The following ASTN2 variants were observed in gnomAD, a reference collection of about 807,000 sequenced individuals.
ASTN2 encodes astrotactin-2.
ASTN2 carries 54 observed loss-of-function variants against 139.8 expected under a neutral mutation model. The ratio of observed to expected loss-of-function variants is 0.39; its 90% CI spans 0.31 to 0.48. ASTN2 has a LOEUF of 0.48. ASTN2 is among the 20% of genes least tolerant of loss of function. The pLI is 0.95. For synonymous variants in ASTN2, 756 were observed against 719.5 expected (o/e 1.05, Z -0.81); for missense variants, 1,565 against 1,725.1 (o/e 0.91, Z 1.64).
Position 116,620,450 on chromosome 9 carries a change from A to C in ASTN2, c.3073-7T>G, listed in dbSNP as rs1856078028. 4 of 1,613,828 alleles carry C rather than the reference A, an allele frequency of 2.5e-6. No individual in the cohort carries two copies. Among genetic ancestry groups the C allele is most frequent in the East Asian group, 4.5e-5 (2 of 44,878 alleles). The stretch of plus-strand genomic sequence containing the variant: ...TCAGTGCACTCTTGAAGGCCTGGAC[A>C]AAAAAAGAGGACAGAATAGACAATG... On this transcript the variant is annotated splice_polypyrimidine_tract_variant and splice_region_variant and intron_variant, in intron 17 of 22. Transcript: ENST00000313400.
chr9:116,777,274 G>A (rs57632779), intron 13 of ASTN2, among the ~76,000 whole-genome samples: 6,925 of 152,144 alleles, frequency 0.046, 547 homozygotes, highest in East Asian at 0.36. Flanking sequence ...AAGACCCTGG[G>A]GCACCAGGGG....
intron 10 of ASTN2, among the ~76,000 whole-genome samples, chr9:116,895,409 A>G (rs571070668): frequency 6.6e-6 from 1 of 152,288 alleles, no homozygotes; most frequent in Non-Finnish European, 1.5e-5. Flanking sequence ...GGGATACTCA[A>G]CTTGTACTTA....
chr9:117,291,346 T>A lies in ASTN2; in HGVS notation c.610A>T (p.Ile204Phe). Reference sequence around the variant, plus strand: ...CTCACCATCACAGAAATGTGGAGGATGTGCATCTGCTCCTCAACAATCTCC... The same window carrying A: ...CTCACCATCACAGAAATGTGGAGGAAGTGCATCTGCTCCTCAACAATCTCC... Reference protein sequence around the residue: ...PSEIVEEQMHILHISVMGGLI... With the variant: ...PSEIVEEQMHFLHISVMGGLI... Residue 204 changes from isoleucine (I) to phenylalanine (F), a missense_variant, in exon 2 of 23, where the codon ATC (isoleucine) becomes TTC (phenylalanine). Physicochemically the swap from Ile to Phe is conservative, Grantham distance 21. Around this residue, in one of 4 missense-constraint regions of ASTN2, gnomAD observed 596 missense variants for 576.8 expected, o/e 1.03. Coordinates refer to ENST00000313400, the MANE Select transcript of ASTN2 (RefSeq NM_001365068.1). 6.2e-7 allele frequency: 1 copy of A among 1,614,038 alleles called. No homozygotes were observed. Among genetic ancestry groups the A allele is most frequent in the East Asian group, 2.2e-5 (1 of 44,858 alleles).
chr9:116,495,190 T>C (rs1328356251), intron 19 of ASTN2, among the ~76,000 whole-genome samples: 2 of 152,222 alleles, frequency 1.3e-5, no homozygotes, highest in Non-Finnish European at 2.9e-5. Flanking sequence ...CCAGGCATCG[T>C]GCTGAGACTT....
intron 1 of ASTN2, among the ~76,000 whole-genome samples, chr9:117,336,768 T>C (rs1339921): frequency 0.44 from 66,793 of 151,914 alleles, 15,036 homozygotes; most frequent in East Asian, 0.55. Flanking sequence ...ACTTCCCATA[T>C]GGCCCCACCC....
At chr9:116,725,999 G>A (rs765980969) in intron 15 of ASTN2, 49 bp from the exon 16 acceptor site, 29 of 1,550,676 alleles carry the variant, frequency 1.9e-5, no homozygotes, top group South Asian at 1.1e-4. Context: ...AGAGGCTGGC[G>A]GCTAGCAAAT....
intron 13 of ASTN2, among the ~76,000 whole-genome samples, chr9:116,767,941 A>G (rs1441487138): frequency 6.6e-6 from 1 of 152,224 alleles, no homozygotes; most frequent in Non-Finnish European, 1.5e-5. Context: ...AACTATTCAT[A>G]GATCTAGTTA....
At chr9:116,487,666 T>C (rs1445182031) in intron 19 of ASTN2, among the ~76,000 whole-genome samples, 166 bp from the exon 20 acceptor site, 2 of 152,238 alleles carry the variant, frequency 1.3e-5, no homozygotes, top group Non-Finnish European at 2.9e-5. Flanking sequence ...TTAGCCTTGA[T>C]GACTCTTTGT....
chr9:117,191,849 A>G (rs566437666), intron 3 of ASTN2, among the ~76,000 whole-genome samples: 3 of 152,314 alleles, frequency 2.0e-5, no homozygotes, highest in African/African-American at 7.2e-5. Context: ...GCCACAGTCT[A>G]ATCAAGTCAG....
chr9:116,656,418 G>A (rs1858213627), intron 16 of ASTN2, among the ~76,000 whole-genome samples: 1 of 152,166 alleles, frequency 6.6e-6, no homozygotes. Flanking sequence ...AGGTTTTCAT[G>A]TAGGCCCTTG....
intron 1 of ASTN2, among the ~76,000 whole-genome samples, chr9:117,375,705 G>A (rs1479733468): frequency 2.6e-5 from 4 of 152,162 alleles, no homozygotes; most frequent in African/African-American, 9.7e-5. Context: ...ATGTGTGTGA[G>A]TTTCCCATTG....
chr9:117,144,851 T>C (rs1448296685), intron 3 of ASTN2, among the ~76,000 whole-genome samples: 1 of 151,696 alleles, frequency 6.6e-6, no homozygotes, highest in Non-Finnish European at 1.5e-5. Flanking sequence ...CTATACTATA[T>C]ATAGGATTTT....
intron 19 of ASTN2, among the ~76,000 whole-genome samples, chr9:116,490,047 T>C (rs1325617348): frequency 2.6e-5 from 4 of 151,986 alleles, no homozygotes; most frequent in Non-Finnish European, 4.4e-5. Flanking sequence ...ATTTGGAGTC[T>C]ACAGAGTAAA....
intron 17 of ASTN2, among the ~76,000 whole-genome samples, chr9:116,648,210 C>A (rs1050967573): frequency 1.3e-5 from 2 of 152,086 alleles, no homozygotes; most frequent in East Asian, 3.9e-4. Context: ...CCATGTTGTA[C>A]AAGCTGGTCT....
At chr9:116,652,992 C>A (rs116096895) in intron 16 of ASTN2, among the ~76,000 whole-genome samples, 8 of 152,182 alleles carry the variant, frequency 5.3e-5, no homozygotes, top group Non-Finnish European at 1.0e-4. Flanking sequence ...TTCTTCATTG[C>A]CCCAGCCCTT....
intron 2 of ASTN2, among the ~76,000 whole-genome samples, chr9:117,260,661 G>T (rs929639510): frequency 6.6e-6 from 1 of 152,188 alleles, no homozygotes; most frequent in African/African-American, 2.4e-5. Context: ...GGTCCAGATA[G>T]TTATACTGTG....
chr9:116,773,911 C>T (rs949122975), intron 13 of ASTN2, among the ~76,000 whole-genome samples: 1 of 152,172 alleles, frequency 6.6e-6, no homozygotes, highest in South Asian at 2.1e-4. Flanking sequence ...ATTAGCCCTA[C>T]ATCCCCATGA....
chr9:116,812,520 A>C (rs1353938320), intron 12 of ASTN2, among the ~76,000 whole-genome samples: 1 of 152,202 alleles, frequency 6.6e-6, no homozygotes, highest in Non-Finnish European at 1.5e-5. Context: ...CTCCAGAAGG[A>C]ATGCAGCCCT....
At chr9:117,062,224 G>A (rs1839315044) in intron 5 of ASTN2, among the ~76,000 whole-genome samples, 1 of 152,148 alleles carries the variant, frequency 6.6e-6, no homozygotes, top group South Asian at 2.1e-4. Context: ...ATTTATCAAG[G>A]TCAGCCACCT....
Sources: allele counts gnomAD v4.1 joint callset (sites outside exome capture counted in the v4.1 genomes callset), GRCh38; gene constraint gnomAD v4.1.1; regional missense constraint gnomAD v4.1.1; transcripts MANE v1.5; gene names NCBI Gene and HGNC (gene_info 2026-07-23, HGNC 2026-07-21).